The following ANK3 variants were observed in gnomAD, a reference collection of about 807,000 sequenced individuals.
ANK3 encodes the protein ankyrin 3, also known as ankyrin-3.
A neutral mutation model predicts 370.9 loss-of-function variants in ANK3; 57 were observed. The ratio of observed to expected loss-of-function variants is 0.15; its 90% CI spans 0.12 to 0.19. ANK3 has a LOEUF of 0.19. Ranked by LOEUF, ANK3 falls within the 10% of genes least tolerant of loss-of-function variation. The pLI is 1.00. For synonymous variants in ANK3, 1,929 were observed against 1,946.3 expected (o/e 0.99, Z 0.23); for missense variants, 4,439 against 5,302.1 (o/e 0.84, Z 5.06).
intron 1 of ANK3, among the ~76,000 whole-genome samples, chr10:60,715,253 T>C (rs934070620): frequency 8.6e-6 from 1 of 116,372 alleles, no homozygotes; most frequent in Non-Finnish European, 1.9e-5. Context: ...GTGTATAAAA[T>C]TGCTTTGTAA....
intron 7 of ANK3, 34 bp downstream of exon 7, chr10:60,261,825 G>A: frequency 6.3e-7 from 1 of 1,578,006 alleles, no homozygotes; most frequent in Non-Finnish European, 8.7e-7. Context: ...AGTTGCAAAT[G>A]CTTTAAAGGT....
chr10:60,460,021 G>C (rs1595074108), intron 2 of ANK3, among the ~76,000 whole-genome samples: 3 of 152,138 alleles, frequency 2.0e-5, no homozygotes, highest in Admixed American at 1.3e-4. Flanking sequence ...GCAGATGGCA[G>C]AATGGTTTTC....
intron 43 of ANK3, among the ~76,000 whole-genome samples, chr10:60,041,376 G>A (rs549611256): frequency 4.7e-4 from 71 of 152,152 alleles, no homozygotes; most frequent in Non-Finnish European, 8.8e-4. Flanking sequence ...AACCTTCCCC[G>A]TCACCTCCGA....
At chr10:60,439,166 T>C (rs2064230669) in intron 2 of ANK3, among the ~76,000 whole-genome samples, 1 of 152,134 alleles carries the variant, frequency 6.6e-6, no homozygotes, top group African/African-American at 2.4e-5. Flanking sequence ...CCTTTCAAGG[T>C]GAATTTTGAT....
rs748757783 is a variant in ANK3 at position 60,722,834 on chromosome 10, TG to T, written c.57+10428del. ...CTCTCTTGCTCCCTCTCTTGCCATA[TG>T]ATATGCCTGTCTTTGCCTTCCAGCA... On this transcript the variant is annotated intron_variant, in intron 1 of 43. Transcript: ENST00000373827. Among the ~76,000 whole-genome samples, 19 of 152,346 alleles carry T rather than the reference TG, an allele frequency of 1.2e-4. No individual in the cohort carries two copies. In the East Asian group the frequency reaches 2.3e-3, roughly 19 times the overall value.
At chr10:60,172,445 T>C in intron 20 of ANK3, 42 bp from the exon 21 acceptor site, 1 of 1,547,066 alleles carries the variant, frequency 6.5e-7, no homozygotes, top group East Asian at 2.3e-5. Context: ...GCAAGCCTTA[T>C]TCCACATTTT....
intron 41 of ANK3, among the ~76,000 whole-genome samples, chr10:60,056,345 T>A (rs1471864923): frequency 6.6e-6 from 1 of 152,094 alleles, no homozygotes; most frequent in Non-Finnish European, 1.5e-5. Flanking sequence ...GGCACGTGCC[T>A]GTAATCCCAG....
chr10:60,489,227 GA>G (rs1246688400), intron 2 of ANK3, among the ~76,000 whole-genome samples: 1 of 152,160 alleles, frequency 6.6e-6, no homozygotes, highest in East Asian at 1.9e-4. Flanking sequence ...AATGCACAGT[GA>G]ATTTAATCAT....
chr10:60,432,300 A>G (rs984957269), intron 2 of ANK3, among the ~76,000 whole-genome samples: 24 of 152,172 alleles, frequency 1.6e-4, no homozygotes, highest in African/African-American at 5.8e-4. Flanking sequence ...ATATGAAGGT[A>G]TCAAGAGTTT....
At position 60,068,986 on chromosome 10, in the gene ANK3, AGTG is replaced by A. The variant is rs768987496; in HGVS notation, c.11892_11894del (p.Thr3965del). ...TGGTGGTAGTGGTGGTGGTGGTGGC[AGTG>A]GTGGTGGTGGTAGTGACACAGGTGG... On this transcript the variant is annotated inframe_deletion, in exon 37 of 44. Coordinates refer to ENST00000280772, the MANE Select transcript of ANK3 (RefSeq NM_020987.5). The A allele has an allele frequency of 6.2e-7, 1 of 1,613,072 alleles. No individual in the cohort carries two copies. The highest frequency in any genetic ancestry group is 8.5e-7 in the Non-Finnish European group (1 of 1,179,580).
intron 1 of ANK3, chr10:60,684,608 C>G (rs2079243902): frequency 6.3e-7 from 1 of 1,589,730 alleles, no homozygotes; most frequent in South Asian, 1.1e-5. Context: ...GGAAAGACAA[C>G]TGTCTTATAC....
rs199846308 is a variant in ANK3 at position 60,053,849 on chromosome 10, T to C, written c.13065+1809A>G. Reference sequence around the variant, plus strand: ...TACATCCTAAACATCTTTGGTTTTCTTGTGAGGTCAGGTTCATGTCTCCTA... The same window carrying C: ...TACATCCTAAACATCTTTGGTTTTCCTGTGAGGTCAGGTTCATGTCTCCTA... On this transcript the variant is annotated intron_variant, in intron 42 of 43. Coordinates refer to ENST00000280772, the MANE Select transcript of ANK3 (RefSeq NM_020987.5). 6 of 712,210 alleles carry C rather than the reference T, an allele frequency of 8.4e-6. No homozygotes were observed. The East Asian group carries it at 4.8e-4, about 57-fold the overall frequency. The allele number at this position is 712,210 out of a possible 1,614,324, so 44.1% of individuals were successfully genotyped here.
At position 60,166,808 on chromosome 10, in the gene ANK3, A is replaced by G. The variant is rs1298825361; in HGVS notation, c.2551+16T>C. On this transcript the variant is annotated intron_variant, in intron 22 of 43. Transcript: ENST00000280772. ...GTCACTTATAATTATTGTGAACTCA[A>G]AGAACATTTTCATACCTTCATCATC... 3 of 1,612,424 alleles carry G rather than the reference A, an allele frequency of 1.9e-6. No homozygotes were observed. In the African/African-American group the frequency reaches 4.0e-5, roughly 22 times the overall value.
At chr10:60,644,108 T>C (rs911684936) in intron 1 of ANK3, among the ~76,000 whole-genome samples, 1 of 152,098 alleles carries the variant, frequency 6.6e-6, no homozygotes, top group African/African-American at 2.4e-5. Flanking sequence ...AGTAAATGAG[T>C]AATGTAATGA....
At chr10:60,174,876 C>T (rs1042069887) in intron 18 of ANK3, among the ~76,000 whole-genome samples, 13 of 152,166 alleles carry the variant, frequency 8.5e-5, no homozygotes, top group Middle Eastern at 3.4e-3. Flanking sequence ...TGCACCACCA[C>T]GCCTGGCTAA....
intron 2 of ANK3, among the ~76,000 whole-genome samples, chr10:60,417,126 C>T (rs2063685417): frequency 6.6e-6 from 1 of 152,150 alleles, no homozygotes; most frequent in African/African-American, 2.4e-5. Context: ...GAAAGAACTG[C>T]ATTAACTGCA....
intron 37 of ANK3, 134 bp downstream of exon 37, chr10:60,068,503 C>T (rs1023518086): frequency 1.3e-5 from 12 of 933,216 alleles, no homozygotes; most frequent in African/African-American, 6.6e-5. Context: ...TGAGAAACTA[C>T]GGTTAAGTCA....
chr10:60,204,814 A>G (rs1200638034), intron 11 of ANK3, among the ~76,000 whole-genome samples: 2 of 152,112 alleles, frequency 1.3e-5, no homozygotes, highest in African/African-American at 4.8e-5. Flanking sequence ...GGAAATATGC[A>G]CACGATGAGG....
At chr10:60,172,201 A>G (rs2095810863) in intron 21 of ANK3, 107 bp downstream of exon 21, 1 of 794,980 alleles carries the variant, frequency 1.3e-6, no homozygotes, top group South Asian at 1.7e-5. Context: ...ATTTTAAAAC[A>G]TGGTGCTTAG....
Sources: gnomAD v4.1 joint callset for allele counts (sites outside exome capture counted in the v4.1 genomes callset) on GRCh38, gnomAD v4.1.1 for gene constraint, MANE v1.5 for transcripts, NCBI Gene and HGNC (gene_info 2026-07-23, HGNC 2026-07-21) for gene names.